Variants in SYNPO observed in about 807,000 individuals in gnomAD.
SYNPO encodes the protein synaptopodin.
SYNPO carries 19 observed loss-of-function variants against 49.5 expected under a neutral mutation model. That is an observed-to-expected ratio of 0.38 (90% CI 0.27 to 0.56). SYNPO has a LOEUF of 0.56. Among genes scored for constraint, SYNPO ranks in the 20% least tolerant of loss-of-function variants. The probability of loss-of-function intolerance (pLI) is 0.68; values close to 1 mark genes in which losing one functional copy is unlikely to be tolerated. For missense variants in SYNPO, 1,131 were observed against 1,248.3 expected, an observed-to-expected ratio of 0.91 and a Z score of 1.42; for synonymous variants, 536 against 548.0, an observed-to-expected ratio of 0.98 and a Z score of 0.31.
rs778871457 is a variant in SYNPO, at chr5:150,650,348, G to A, written c.2028+45G>A. 3.7e-6 allele frequency: 6 copies of A among 1,612,422 alleles called. No homozygotes were observed. In the African/African-American group the frequency reaches 6.7e-5, roughly 18 times the overall value. The stretch of plus-strand genomic sequence containing the variant: ...GCTTCAAGTAACGAACCCCACGGGG[G>A]TCCCACTGCCGGTCAAGTTCCCCTC... On this transcript the variant is annotated intron_variant, in intron 2 of 2. Transcript: ENST00000307662.
intron 1 of SYNPO, among the ~76,000 whole-genome samples, chr5:150,604,831 G>C (rs1310132001): frequency 6.6e-6 from 1 of 152,168 alleles, no homozygotes; most frequent in Non-Finnish European, 1.5e-5. Context: ...CTTAAGGAGG[G>C]GGTGTGATTG....
At chr5:150,589,955 C>T in the SYNPO span, among the ~76,000 whole-genome samples, 2 of 152,202 alleles carry the variant, frequency 1.3e-5, no homozygotes, top group Admixed American at 6.5e-5. Context: ...CCACATCCCC[C>T]GCCAGGGGTG....
intron 2 of SYNPO, among the ~76,000 whole-genome samples, chr5:150,624,254 G>C (rs1246703123): frequency 6.6e-6 from 1 of 152,184 alleles, no homozygotes; most frequent in African/African-American, 2.4e-5. Context: ...AGTTACTGGG[G>C]CTGAGACATA....
rs967518970 is a variant in SYNPO, at chr5:150,601,111, G to GCGGGCAGC, written c.-332_-325dup. 3 of 152,826 alleles carry GCGGGCAGC rather than the reference G, an allele frequency of 2.0e-5. No individual in the cohort carries two copies. In the South Asian group the frequency reaches 6.2e-4, roughly 32 times the overall value. 9.5% of individuals were successfully genotyped at this position (152,826 alleles called of 1,614,324 possible). On this transcript the variant is annotated 5_prime_UTR_variant, in exon 1 of 3. Transcript: ENST00000394243. ...CGAGTGAGGAGCAGGCGGGCAGGCG[G>GCGGGCAGC]CGGGCAGCCGGGCAGCCGTGGACAG...
At chr5:150,594,572 G>A in the SYNPO span, among the ~76,000 whole-genome samples, 1 of 152,226 alleles carries the variant, frequency 6.6e-6, no homozygotes. Context: ...CTCTCCCTGG[G>A]CCTCAGTTTC....
upstream of SYNPO, among the ~76,000 whole-genome samples, chr5:150,599,139 A>T (rs1024154108): frequency 6.6e-6 from 1 of 152,224 alleles, no homozygotes; most frequent in African/African-American, 2.4e-5. Flanking sequence ...CATTCTCAAC[A>T]CAAAATTCCA....
At chr5:150,641,223 G>T (rs899480519) in intron 1 of SYNPO, among the ~76,000 whole-genome samples, 2 of 152,310 alleles carry the variant, frequency 1.3e-5, no homozygotes, top group African/African-American at 4.8e-5. Flanking sequence ...GAAGGGGCTG[G>T]CAAGGTAGCC....
chr5:150,598,020 A>T (rs375699656), upstream of SYNPO, among the ~76,000 whole-genome samples: 2 of 152,190 alleles, frequency 1.3e-5, no homozygotes, highest in Non-Finnish European at 2.9e-5. Flanking sequence ...ACTTCCCTGT[A>T]TCAGAAACAG....
chr5:150,656,335 C>G, intron 2 of SYNPO, 69 bp from the exon 3 acceptor site: 1 of 1,297,042 alleles, frequency 7.7e-7, no homozygotes, highest in South Asian at 1.3e-5. Context: ...GGACTCCGTC[C>G]CTTCCTAAAG....
Position 150,656,691 on chromosome 5 carries a change from G to A in SYNPO, c.2316G>A (p.Pro772=). ...INAARRKSAS[P]RSAGAENPRP... ...CGGCCCGGCGCAAGAGCGCCTCCCCGCGGTCGGCGGGCGCCGAGAACCCGC... is the reference window on the plus strand; with the variant it reads ...CGGCCCGGCGCAAGAGCGCCTCCCCACGGTCGGCGGGCGCCGAGAACCCGC... The change falls in exon 3 of 3, where the codon CCG becomes CCA. Residue 772 remains proline (P), a synonymous_variant. Transcript: ENST00000307662. 2 of 1,456,424 alleles carry A rather than the reference G, an allele frequency of 1.4e-6. No individual in the cohort carries two copies. The highest frequency in any genetic ancestry group is 1.8e-6 in the Non-Finnish European group (2 of 1,108,196). The allele number at this position is 1,456,424 out of a possible 1,614,324, so 90.2% of individuals were successfully genotyped here.
chr5:150,636,646 A>T (rs557165246), upstream of SYNPO, among the ~76,000 whole-genome samples: 3 of 152,298 alleles, frequency 2.0e-5, no homozygotes, highest in South Asian at 6.2e-4. Flanking sequence ...CTGCCTGGTA[A>T]TTGGTGAATG....
chr5:150,629,737 A>G (rs11954394), intron 2 of SYNPO, among the ~76,000 whole-genome samples: 2 of 152,214 alleles, frequency 1.3e-5, no homozygotes, highest in African/African-American at 4.8e-5. Context: ...TTTACTATGT[A>G]CCATGGGTGC....
intron 1 of SYNPO, among the ~76,000 whole-genome samples, chr5:150,645,041 G>A (rs1236164782): frequency 6.6e-6 from 1 of 152,312 alleles, no homozygotes; most frequent in East Asian, 1.9e-4. Context: ...TGACGCTGCT[G>A]GTCACAGCTT....
chr5:150,654,352 G>GCACACACACACACACACA (rs57174542), intron 2 of SYNPO: 1 of 147,546 alleles, frequency 6.8e-6, no homozygotes, highest in Non-Finnish European at 1.5e-5. Context: ...CCTTTGAGCA[G>GCACACACACACACACACA]CACACACACA....
chr5:150,608,242 C>T (rs1756748043), intron 1 of SYNPO, among the ~76,000 whole-genome samples: 1 of 152,238 alleles, frequency 6.6e-6, no homozygotes. Context: ...GTCCTTCAAC[C>T]CAGGAGCTTG....
intron 1 of SYNPO, among the ~76,000 whole-genome samples, chr5:150,604,916 G>A (rs1756649612): frequency 6.6e-6 from 1 of 152,138 alleles, no homozygotes; most frequent in African/African-American, 2.4e-5. Context: ...CTCTTCTGCA[G>A]GCCTGGGTTC....
upstream of SYNPO, chr5:150,601,066 A>C (rs927590890): frequency 1.2e-4 from 18 of 151,434 alleles, no homozygotes; most frequent in African/African-American, 4.4e-4. Flanking sequence ...CATCCCGCTC[A>C]GCCTGCTCCA....
At chr5:150,587,338 G>A in the SYNPO span, among the ~76,000 whole-genome samples, 2 of 152,208 alleles carry the variant, frequency 1.3e-5, no homozygotes, top group African/African-American at 4.8e-5. Context: ...GTAGGTATAT[G>A]TGGATGCAGG....
At chr5:150,631,451 G>A (rs533978587) in intron 2 of SYNPO, among the ~76,000 whole-genome samples, 2 of 152,302 alleles carry the variant, frequency 1.3e-5, no homozygotes, top group South Asian at 4.1e-4. Flanking sequence ...GGCCCTGAGG[G>A]GAGAAAGTGC....
Sources: gnomAD v4.1 joint callset for allele counts (sites outside exome capture counted in the v4.1 genomes callset) on GRCh38, gnomAD v4.1.1 for gene constraint, MANE v1.5 for transcripts, NCBI Gene and HGNC (gene_info 2026-07-23, HGNC 2026-07-21) for gene names.